ZNF44: variants seen among roughly 807,000 people sequenced by gnomAD.
The protein encoded by ZNF44 is gonadotropin inducible transcription repressor-2.
A neutral mutation model predicts 11.7 loss-of-function variants in ZNF44; 9 were observed. That is an observed-to-expected ratio of 0.77 (90% CI 0.46 to 1.35). ZNF44 has a LOEUF of 1.35. Among genes scored for constraint, ZNF44 ranks in the 40% most tolerant of loss-of-function variants. The probability of loss-of-function intolerance (pLI) is 0.00; values close to 1 mark genes in which losing one functional copy is unlikely to be tolerated. For synonymous variants in ZNF44, 224 were observed against 242.7 expected (o/e 0.92, Z 0.72); for missense variants, 696 against 743.1 (o/e 0.94, Z 0.74).
chr19:12,285,338 C>T (rs1326472864), intron 1 of ZNF44, among the ~76,000 whole-genome samples: 1 of 152,216 alleles, frequency 6.6e-6, no homozygotes, highest in Non-Finnish European at 1.5e-5. Context: ...TCACTGCAAC[C>T]TCCACCTCCC....
downstream of ZNF44, among the ~76,000 whole-genome samples, chr19:12,268,755 T>C (rs1409815915): frequency 6.6e-6 from 1 of 151,584 alleles, no homozygotes; most frequent in African/African-American, 2.4e-5. Flanking sequence ...TTTTTTTTTT[T>C]TTTTCTGAGA....
intron 1 of ZNF44, among the ~76,000 whole-genome samples, chr19:12,277,139 G>C (rs993457999): frequency 6.6e-6 from 1 of 152,190 alleles, no homozygotes; most frequent in Admixed American, 6.5e-5. Context: ...TGCAACTCTG[G>C]TAGATGATAT....
chr19:12,286,749 G>A (rs886187825), intron 1 of ZNF44, among the ~76,000 whole-genome samples: 2 of 151,156 alleles, frequency 1.3e-5, no homozygotes, highest in Non-Finnish European at 2.9e-5. Context: ...TCAGGAGTTC[G>A]AGACCAGCCT....
chr19:12,266,487 G>T (rs1387019558), intron 5 of ZNF44, among the ~76,000 whole-genome samples: 2 of 152,198 alleles, frequency 1.3e-5, no homozygotes, highest in Admixed American at 6.5e-5. Flanking sequence ...CGCCTGATTG[G>T]ACTGTTGGCA....
rs1256612217 is a variant in ZNF44 at position 12,273,325 on chromosome 19, T to C, written c.930A>G (p.Thr310=). ...ERIHTGEKPY[T]CKQCGKAFCH... is the part of the protein sequence containing the mutation. Reference sequence around the variant, plus strand: ...AAAACGCTTTCCCACACTGTTTACATGTATAGGGTTTCTCTCCAGTGTGAA... The same window carrying C: ...AAAACGCTTTCCCACACTGTTTACACGTATAGGGTTTCTCTCCAGTGTGAA... Residue 310 remains threonine, a synonymous_variant, in exon 4 of 4, where the codon ACA becomes ACG. Transcript: ENST00000355684. The C allele has an allele frequency of 1.2e-6, 2 of 1,613,884 alleles. No individual in the cohort carries two copies. Among genetic ancestry groups the C allele is most frequent in the Middle Eastern group, 1.6e-4 (1 of 6,082 alleles).
At chr19:12,266,151 G>T in intron 5 of ZNF44, 2 of 667,326 alleles carry the variant, frequency 3.0e-6, no homozygotes, top group Non-Finnish European at 3.7e-6. Flanking sequence ...CGAGGGCCGA[G>T]CTGTGCCATG....
intron 2 of ZNF44, among the ~76,000 whole-genome samples, chr19:12,232,343 T>A (rs149778706): frequency 0.061 from 9,244 of 152,116 alleles, 953 homozygotes; most frequent in African/African-American, 0.21. Flanking sequence ...CCTTCCTCTT[T>A]TACTAATCCT....
chr19:12,245,905 A>G (rs1043881731), downstream of ZNF44, among the ~76,000 whole-genome samples: 9 of 152,144 alleles, frequency 5.9e-5, no homozygotes, highest in African/African-American at 2.2e-4. Context: ...TGTTTTCCTG[A>G]TACTTTGTCC....
At chr19:12,263,624 CA>C (rs778033529) in intron 5 of ZNF44, among the ~76,000 whole-genome samples, 1 of 151,566 alleles carries the variant, frequency 6.6e-6, no homozygotes, top group South Asian at 2.1e-4. Flanking sequence ...AAACAAAAAA[CA>C]AAAAAACAAA....
intron 5 of ZNF44, among the ~76,000 whole-genome samples, chr19:12,258,202 G>A (rs192557764): frequency 1.3e-4 from 19 of 149,826 alleles, no homozygotes; most frequent in African/African-American, 4.6e-4. Flanking sequence ...GAGCATGGTG[G>A]CGCACCTGTG....
Position 12,273,573 on chromosome 19 carries a change from T to A in ZNF44, c.682A>T (p.Lys228Ter). 6.2e-7 allele frequency: 1 copy of A among 1,614,184 alleles called. No individual in the cohort carries two copies. The highest frequency in any genetic ancestry group is 8.5e-7 in the Non-Finnish European group (1 of 1,180,020). The stretch of plus-strand genomic sequence containing the variant: ...ACAGGGAAGGCTTTAGAACACTGCT[T>A]ACATTCATATGGTTTCTCTCCAGTG... ...THTGEKPYECKQCSKAFPVYS... is the reference protein window; with the variant it reads ...THTGEKPYEC Residue 228 changes from lysine to a stop codon, truncating the protein, a stop_gained, in exon 4 of 4, where the codon AAG becomes TAG. Coordinates refer to ENST00000355684, the MANE Select transcript of ZNF44 (RefSeq NM_016264.4). LOFTEE classifies it low-confidence loss of function (END_TRUNC).
At chr19:12,246,216 T>C (rs1393756585), downstream of ZNF44, among the ~76,000 whole-genome samples, 2 of 152,172 alleles carry the variant, frequency 1.3e-5, no homozygotes, top group African/African-American at 4.8e-5. Context: ...CATAATCACA[T>C]AGCACAATCT....
chr19:12,272,234 G>GCCTCGTGATCTGC lies in ZNF44; in HGVS notation c.*160_*172dup. 9.0e-7 allele frequency: 1 copy of GCCTCGTGATCTGC among 1,108,706 alleles called. No individual in the cohort carries two copies. Among genetic ancestry groups the GCCTCGTGATCTGC allele is most frequent in the African/African-American group, 1.6e-5 (1 of 61,764 alleles). The allele number at this position is 1,108,706 out of a possible 1,614,324, so 68.7% of individuals were successfully genotyped here. On this transcript the variant is annotated 3_prime_UTR_variant, in exon 4 of 4. Transcript: ENST00000355684. ...TAGCCAGGCTGGTCTCGATCTCCTGGCCTCGTGATCTGCCCTCCTCGGCCT... is the reference window on the plus strand; with the variant it reads ...TAGCCAGGCTGGTCTCGATCTCCTGGCCTCGTGATCTGCCCTCGTGATCTGCCCTCCTCGGCCT...
rs775450410 is a variant in ZNF44, at chr19:12,273,092, G to C, written c.1163C>G (p.Thr388Ser). The change falls in exon 4 of 4, where the codon ACT (threonine) becomes AGT (serine). Residue 388 changes from threonine (T) to serine (S), a missense_variant. Coordinates refer to ENST00000355684, the MANE Select transcript of ZNF44 (RefSeq NM_016264.4). ...TGTGCATTTATGAGGGCCATCTCCA[G>C]TGTGTGCCATCATGTGTCTTCGAAA... is the stretch of plus-strand genomic sequence containing the variant. ...SSFRRHMMAH[T>S]GDGPHKCTVC... is the part of the protein sequence containing the mutation. The C allele has an allele frequency of 1.2e-6, 2 of 1,614,016 alleles. No homozygotes were observed. The highest frequency in any genetic ancestry group is 2.2e-5 in the East Asian group (1 of 44,866).
At chr19:12,240,560 C>G (rs1400269996), upstream of ZNF44, among the ~76,000 whole-genome samples, 1 of 150,778 alleles carries the variant, frequency 6.6e-6, no homozygotes, top group Admixed American at 6.6e-5. Flanking sequence ...TGATTTCAAA[C>G]TGGCTATAAA....
chr19:12,278,306 T>C (rs557316852), intron 1 of ZNF44, among the ~76,000 whole-genome samples: 5 of 152,196 alleles, frequency 3.3e-5, no homozygotes, highest in Non-Finnish European at 7.3e-5. Context: ...CTATAATCTA[T>C]AGAAACAACG....
chr19:12,230,578 G>A lies in ZNF44; in HGVS notation n.381-63C>T, dbSNP rs970696045. On this transcript the variant is annotated intron_variant and non_coding_transcript_variant, in intron 2 of 3. Transcript: ENST00000597563. ...AAAGTGAACTGAATAAAAAGACAAC[G>A]AGTGGTGGCCAGAGACCTCCAGGAT... The A allele has an allele frequency of 3.7e-5, 5 of 135,552 alleles. No individual in the cohort carries two copies. The East Asian group carries it at 9.6e-4, about 26-fold the overall frequency. The allele number at this position is 135,552 out of a possible 1,614,324, so 8.4% of individuals were successfully genotyped here.
downstream of ZNF44, among the ~76,000 whole-genome samples, chr19:12,244,235 C>G (rs541341198): frequency 1.3e-5 from 2 of 152,120 alleles, no homozygotes; most frequent in South Asian, 4.2e-4. Context: ...CAGGTTGGTC[C>G]CAGATTCCTA....
downstream of ZNF44, chr19:12,247,266 A>C: frequency 3.3e-6 from 4 of 1,200,958 alleles, no homozygotes; most frequent in Non-Finnish European, 4.2e-6. Flanking sequence ...CGATATTTAC[A>C]TTTATAGTTT....
Sources: gnomAD v4.1 joint callset for allele counts (sites outside exome capture counted in the v4.1 genomes callset) on GRCh38, gnomAD v4.1.1 for gene constraint, MANE v1.5 for transcripts, NCBI Gene and HGNC (gene_info 2026-07-23, HGNC 2026-07-21) for gene names.